Variants in KRIT1 observed in about 807,000 individuals in gnomAD.
The protein encoded by KRIT1 is KRIT1 ankyrin repeat containing.
A neutral mutation model predicts 95.8 loss-of-function variants in KRIT1; 45 were observed. That is an observed-to-expected ratio of 0.47 (90% confidence interval 0.37 to 0.60). KRIT1 has a LOEUF of 0.60. Among genes scored for constraint, KRIT1 ranks in the 20% least tolerant of loss-of-function variants. The pLI, the probability that KRIT1 is intolerant of heterozygous loss-of-function variation, is 0.00. For missense variants in KRIT1, 788 were observed against 877.5 expected, an observed-to-expected ratio of 0.90 and a Z score of 1.29; for synonymous variants, 282 against 278.8, an observed-to-expected ratio of 1.01 and a Z score of -0.11.
intron 5 of KRIT1, among the ~76,000 whole-genome samples, chr7:92,238,464 T>C (rs892342727): frequency 2.6e-5 from 4 of 152,224 alleles, no homozygotes; most frequent in East Asian, 3.8e-4. Flanking sequence ...AGACTTCAAA[T>C]AGATTCACTT....
intron 15 of KRIT1, among the ~76,000 whole-genome samples, chr7:92,214,402 C>T (rs1421954130): frequency 6.6e-6 from 1 of 151,978 alleles, no homozygotes; most frequent in Non-Finnish European, 1.5e-5. Context: ...TAAAGTATAT[C>T]AAACTATAGT....
Position 92,241,004 on chromosome 7 carries a change from T to G in KRIT1, c.251A>C (p.Gln84Pro), listed in dbSNP as rs1427367978. ...ETTKPISPAN[Q>P]GIRGKRVVLM... ...AAGAAGTTTCCTACCTCTGATACCC[T>G]GGTTTGCAGGAGAAATTGGTTTGGT... Residue 84 changes from glutamine (Q) to proline (P), a missense_variant, in exon 5 of 19, where the codon CAG becomes CCG. Gln to Pro is a moderately conservative substitution (Grantham distance 76). Transcript: ENST00000394505. 1 of 1,610,294 alleles carries G rather than the reference T, an allele frequency of 6.2e-7. No individual in the cohort carries two copies. Among genetic ancestry groups the G allele is most frequent in the South Asian group, 1.1e-5 (1 of 90,982 alleles).
chr7:92,230,508 T>A (rs1049820495), intron 10 of KRIT1, among the ~76,000 whole-genome samples: 2 of 152,166 alleles, frequency 1.3e-5, no homozygotes, highest in Non-Finnish European at 2.9e-5. Context: ...CAGAAAAAGT[T>A]AAGGTTTATG....
In KRIT1 at chr7:92,213,377, T is replaced by C. The variant is rs752376692; in HGVS notation, c.1843A>G (p.Ser615Gly). 3.7e-6 allele frequency: 6 copies of C among 1,611,018 alleles called. No individual in the cohort carries two copies. The highest frequency in any genetic ancestry group is 1.7e-6 in the Non-Finnish European group (2 of 1,177,424). Reference protein sequence around the residue: ...YKNLSTSEGVSKEMHHLQRMF... With the variant: ...YKNLSTSEGVGKEMHHLQRMF... The stretch of plus-strand genomic sequence containing the variant: ...CGCTGAAGGTGATGCATTTCTTTAC[T>C]GACACCTTCACTTGTACTGAGATTC... Residue 615 changes from serine (S) to glycine (G), a missense_variant, in exon 17 of 19, where the codon AGT (serine) becomes GGT (glycine). This residue lies in a region of KRIT1 where 493 missense variants were observed against 582.3 expected (regional missense o/e 0.85). Coordinates refer to ENST00000394505, the MANE Select transcript of KRIT1 (RefSeq NM_194454.3).
intron 10 of KRIT1, among the ~76,000 whole-genome samples, chr7:92,230,512 G>C (rs1797058398): frequency 6.6e-6 from 1 of 152,146 alleles, no homozygotes; most frequent in Non-Finnish European, 1.5e-5. Flanking sequence ...AAAAGTTAAG[G>C]TTTATGAAGA....
intron 17 of KRIT1, chr7:92,206,355 C>T (rs1791490362): frequency 6.6e-6 from 1 of 152,398 alleles, no homozygotes; most frequent in Admixed American, 6.5e-5. Context: ...CCTACTGGCA[C>T]AACTACTAGT....
intron 15 of KRIT1, among the ~76,000 whole-genome samples, 177 bp from the exon 16 acceptor site, chr7:92,214,156 C>A (rs1165180892): frequency 6.6e-6 from 1 of 152,104 alleles, no homozygotes; most frequent in Non-Finnish European, 1.5e-5. Context: ...CTCATATTAT[C>A]AATTTAGATA....
downstream of KRIT1, chr7:92,199,387 C>T (rs189226573): frequency 6.6e-6 from 1 of 152,270 alleles, no homozygotes; most frequent in East Asian, 1.9e-4. Context: ...TGTAGGACAA[C>T]TTTAAATATG....
intron 5 of KRIT1, among the ~76,000 whole-genome samples, chr7:92,239,598 A>C (rs1364676895): frequency 6.6e-6 from 1 of 152,186 alleles, no homozygotes; most frequent in Non-Finnish European, 1.5e-5. Flanking sequence ...CTTTTTAATA[A>C]GCTAAGATTG....
At chr7:92,245,523 AG>A (rs964835301) in intron 1 of KRIT1, 2 of 150,702 alleles carry the variant, frequency 1.3e-5, no homozygotes, top group African/African-American at 4.9e-5. Flanking sequence ...GGACACCGAG[AG>A]GTCCCACCCG....
chr7:92,244,965 T>C lies in KRIT1; in HGVS notation c.-214A>G, dbSNP rs910806392. ...TCACTATGACTGATGAGGGGAGATG[T>C]ACAACTGCCATTTAGTGTCCATGGA... On this transcript the variant is annotated 5_prime_UTR_variant, in exon 2 of 19. Transcript: ENST00000394505. 1 of 152,118 alleles carries C rather than the reference T, an allele frequency of 6.6e-6. No homozygotes were observed. The highest frequency in any genetic ancestry group is 2.4e-5 in the African/African-American group (1 of 41,414). The allele number at this position is 152,118 out of a possible 1,614,324, so 9.4% of individuals were successfully genotyped here.
intron 7 of KRIT1, 162 bp from the exon 8 acceptor site, chr7:92,235,808 T>C (rs1798330054): frequency 1.6e-6 from 1 of 631,464 alleles, no homozygotes; most frequent in East Asian, 3.1e-5. Flanking sequence ...TTAAAATTTA[T>C]TTATATTGCA....
intron 3 of KRIT1, among the ~76,000 whole-genome samples, chr7:92,243,232 G>A (rs1175571010): frequency 1.3e-5 from 2 of 152,168 alleles, no homozygotes; most frequent in African/African-American, 4.8e-5. Context: ...TTTCCAACAA[G>A]TGACTGAATT....
At chr7:92,201,052 A>G (rs1411075540) in intron 18 of KRIT1, among the ~76,000 whole-genome samples, 2 of 152,224 alleles carry the variant, frequency 1.3e-5, no homozygotes, top group Non-Finnish European at 2.9e-5. Flanking sequence ...ATAACTTGAT[A>G]GATGAGACAG....
intron 7 of KRIT1, chr7:92,235,928 CATTT>C: frequency 3.6e-6 from 1 of 278,130 alleles, no homozygotes; most frequent in Non-Finnish European, 6.8e-6. Flanking sequence ...ACAAATACTT[CATTT>C]ATTAATAAAA....
rs922955178 is a variant in KRIT1, at chr7:92,199,554, A to G, written c.*1182T>C. ...AGATATCTGGTGATTTACTTCCTAC[A>G]AAGCAAAGTCAATATACATAAACTA... On this transcript the variant is annotated 3_prime_UTR_variant, in exon 19 of 19. Coordinates refer to ENST00000394505, the MANE Select transcript of KRIT1 (RefSeq NM_194454.3). 2 of 152,206 alleles carry G rather than the reference A, an allele frequency of 1.3e-5. No homozygotes were observed. Among genetic ancestry groups the G allele is most frequent in the Non-Finnish European group, 2.9e-5 (2 of 68,036 alleles). 9.4% of individuals were successfully genotyped at this position (152,206 alleles called of 1,614,324 possible). A position where few individuals can be genotyped will look rare whatever the true frequency, so the allele number is the denominator to read the frequency against.
chr7:92,200,679 C>G lies in KRIT1; in HGVS notation c.*57G>C. On this transcript the variant is annotated 3_prime_UTR_variant, in exon 19 of 19. Coordinates refer to ENST00000394505, the MANE Select transcript of KRIT1 (RefSeq NM_194454.3). ...AAGTAATATTTTAAGAAATCTTTCA[C>G]GGAAAAAAAACTCTGCATTACAAAA... 8.7e-7 allele frequency: 1 copy of G among 1,149,718 alleles called. No homozygotes were observed. Among genetic ancestry groups the G allele is most frequent in the Non-Finnish European group, 1.3e-6 (1 of 758,214 alleles). 71.2% of individuals were successfully genotyped at this position (1,149,718 alleles called of 1,614,324 possible).
At chr7:92,208,987 A>C (rs1368635491) in intron 17 of KRIT1, among the ~76,000 whole-genome samples, 1 of 152,214 alleles carries the variant, frequency 6.6e-6, no homozygotes, top group African/African-American at 2.4e-5. Flanking sequence ...TCAAAAAGAT[A>C]ACACACCATG....
chr7:92,206,207 A>T (rs946265097), intron 17 of KRIT1: 1 of 152,718 alleles, frequency 6.5e-6, no homozygotes, highest in African/African-American at 2.4e-5. Flanking sequence ...ACACCATCAG[A>T]GGGCCTGACG....
Sources: allele counts gnomAD v4.1 joint callset (sites outside exome capture counted in the v4.1 genomes callset), GRCh38; gene constraint gnomAD v4.1.1; regional missense constraint gnomAD v4.1.1; transcripts MANE v1.5; gene names NCBI Gene and HGNC (gene_info 2026-07-23, HGNC 2026-07-21).